The following SLC44A1 variants were observed in gnomAD, a reference collection of about 807,000 sequenced individuals.
SLC44A1 encodes the protein solute carrier family 44 member 1.
Under a neutral mutation model 79.3 loss-of-function variants are expected in SLC44A1, and 26 were observed. The ratio of observed to expected loss-of-function variants is 0.33; its 90% CI spans 0.24 to 0.46. The LOEUF (loss-of-function observed/expected upper bound fraction) is 0.46. SLC44A1 is among the 20% of genes least tolerant of loss of function. The pLI, the probability that SLC44A1 is intolerant of heterozygous loss-of-function variation, is 1.00. For synonymous variants in SLC44A1, 263 were observed against 286.2 expected (o/e 0.92, Z 0.82); for missense variants, 688 against 798.1 (o/e 0.86, Z 1.66).
Position 105,383,362 on chromosome 9 carries a change from A to ACCATC in SLC44A1, c.1869+3_1869+4insCCATC. On this transcript the variant is annotated splice_donor_region_variant and intron_variant, in intron 14 of 15. Transcript: ENST00000374720. Reference sequence around the variant, plus strand: ...TCTATATGGATAAAGTGCTGATGGTAAGTACTTCAAATGCCGTTTCCTATT... The same window carrying ACCATC: ...TCTATATGGATAAAGTGCTGATGGTACCATCAGTACTTCAAATGCCGTTTCCTATT... 2.0e-6 allele frequency: 3 copies of ACCATC among 1,483,404 alleles called. No individual in the cohort carries two copies. Among genetic ancestry groups the ACCATC allele is most frequent in the Non-Finnish European group, 2.8e-6 (3 of 1,060,980 alleles). The allele number at this position is 1,483,404 out of a possible 1,614,324, so 91.9% of individuals were successfully genotyped here. A position where few individuals can be genotyped will look rare whatever the true frequency, so the allele number is the denominator to read the frequency against.
intron 15 of SLC44A1, among the ~76,000 whole-genome samples, chr9:105,421,732 T>C (rs554841565): frequency 1.5e-4 from 23 of 151,760 alleles, no homozygotes; most frequent in Non-Finnish European, 1.9e-4. Context: ...GGACTACAGG[T>C]GCCTACCACG....
At chr9:105,270,737 T>C (rs563618081) in intron 1 of SLC44A1, among the ~76,000 whole-genome samples, 1 of 152,360 alleles carries the variant, frequency 6.6e-6, no homozygotes, top group South Asian at 2.1e-4. Context: ...CATTATCTAT[T>C]TTTTGTATTG....
intron 15 of SLC44A1, among the ~76,000 whole-genome samples, chr9:105,428,852 C>T (rs1031342123): frequency 4.6e-5 from 7 of 152,048 alleles, no homozygotes; most frequent in Non-Finnish European, 8.8e-5. Flanking sequence ...ACTACAGGCA[C>T]GCGCCACCAC....
intron 3 of SLC44A1, among the ~76,000 whole-genome samples, chr9:105,328,042 T>G (rs1826635306): frequency 6.6e-6 from 1 of 152,236 alleles, no homozygotes; most frequent in South Asian, 2.1e-4. Context: ...CTGAAATATC[T>G]TCTTCCTTAC....
intron 9 of SLC44A1, among the ~76,000 whole-genome samples, chr9:105,363,267 A>C (rs939334337): frequency 6.6e-6 from 1 of 151,800 alleles, no homozygotes; most frequent in Non-Finnish European, 1.5e-5. Flanking sequence ...GGTTCAAGTG[A>C]TTCTTCTGCC....
intron 11 of SLC44A1, among the ~76,000 whole-genome samples, chr9:105,365,874 C>T (rs1588837169): frequency 6.6e-6 from 1 of 152,202 alleles, no homozygotes; most frequent in Non-Finnish European, 1.5e-5. Context: ...TCTCTGTTGA[C>T]TCACATACCT....
intron 15 of SLC44A1, among the ~76,000 whole-genome samples, chr9:105,420,522 G>T (rs905430250): frequency 6.6e-6 from 1 of 151,992 alleles, no homozygotes; most frequent in African/African-American, 2.4e-5. Flanking sequence ...TTAAAAATGT[G>T]CCAGAAAGTT....
At chr9:105,292,056 A>G (rs776873026) in intron 1 of SLC44A1, among the ~76,000 whole-genome samples, 19 of 152,196 alleles carry the variant, frequency 1.2e-4, no homozygotes, top group Non-Finnish European at 2.6e-4. Flanking sequence ...ACTTGTTTGC[A>G]GGCTTAACCC....
chr9:105,394,033 G>C lies in SLC44A1; in HGVS notation c.*4977G>C, dbSNP rs1213119875. 1 of 985,070 alleles carries C rather than the reference G, an allele frequency of 1.0e-6. No homozygotes were observed. The highest frequency in any genetic ancestry group is 1.2e-6 in the Non-Finnish European group (1 of 829,738). The allele number at this position is 985,070 out of a possible 1,614,324, so 61.0% of individuals were successfully genotyped here. ...AGACAATGGGTCTCTTTGAGCTTAA[G>C]AAAGCTATGGACTATCTTTCCTTCA... On this transcript the variant is annotated 3_prime_UTR_variant, in exon 16 of 16. Coordinates refer to ENST00000374720, the MANE Select transcript of SLC44A1 (RefSeq NM_080546.5).
chr9:105,341,335 CAAAAAAAAAA>C (rs529318721), intron 4 of SLC44A1, among the ~76,000 whole-genome samples: 3 of 65,236 alleles, frequency 4.6e-5, no homozygotes, highest in Non-Finnish European at 7.0e-5. Flanking sequence ...AACTTCGTCT[CAAAAAAAAAA>C]AAAAAAGAAA....
At chr9:105,325,016 A>G (rs1000363039) in intron 3 of SLC44A1, among the ~76,000 whole-genome samples, 3 of 152,222 alleles carry the variant, frequency 2.0e-5, no homozygotes, top group Non-Finnish European at 2.9e-5. Context: ...ACCCAAGAGA[A>G]CTAAAAACAG....
chr9:105,332,992 C>G (rs749505104), intron 3 of SLC44A1, among the ~76,000 whole-genome samples: 1 of 152,130 alleles, frequency 6.6e-6, no homozygotes, highest in Non-Finnish European at 1.5e-5. Context: ...TTTCCAAGGT[C>G]AGAGAACTAT....
In SLC44A1 at chr9:105,390,153, T is replaced by C; in HGVS notation, c.*1097T>C. ...TGGCTAATGTTTTGATCCTCCAGTG[T>C]GACTGTTGTTTTTGTTTGGGGGTGG... On this transcript the variant is annotated 3_prime_UTR_variant, in exon 16 of 16. Transcript: ENST00000374720. The C allele has an allele frequency of 8.2e-7, 1 of 1,216,438 alleles. No homozygotes were observed. Among genetic ancestry groups the C allele is most frequent in the Non-Finnish European group, 1.0e-6 (1 of 974,194 alleles). 75.4% of individuals were successfully genotyped at this position (1,216,438 alleles called of 1,614,324 possible).
intron 15 of SLC44A1, among the ~76,000 whole-genome samples, chr9:105,388,213 T>A (rs987567373): frequency 6.6e-6 from 1 of 152,216 alleles, no homozygotes; most frequent in African/African-American, 2.4e-5. Flanking sequence ...CTTAGTACCT[T>A]CTTTATTTCT....
intron 2 of SLC44A1, among the ~76,000 whole-genome samples, chr9:105,301,959 A>G (rs1189935027): frequency 6.6e-6 from 1 of 152,078 alleles, no homozygotes; most frequent in Non-Finnish European, 1.5e-5. Context: ...TTTGATACCT[A>G]TGGTCTAGTT....
intron 2 of SLC44A1, among the ~76,000 whole-genome samples, chr9:105,306,125 C>T (rs1831024672): frequency 6.6e-6 from 1 of 152,144 alleles, no homozygotes. Context: ...GAAAGCACTT[C>T]CATAGCTCAG....
chr9:105,351,622 G>GAA (rs1385126812), intron 5 of SLC44A1, among the ~76,000 whole-genome samples: 8 of 64,532 alleles, frequency 1.2e-4, no homozygotes, highest in East Asian at 4.4e-4. Context: ...AAGAAAGAAA[G>GAA]AGAGAGAAAG....
chr9:105,276,345 A>G (rs1006321186), intron 1 of SLC44A1, among the ~76,000 whole-genome samples: 2 of 152,190 alleles, frequency 1.3e-5, no homozygotes, highest in Admixed American at 6.5e-5. Context: ...CACTGCTTTC[A>G]TCATGTCATG....
chr9:105,251,604 C>T (rs1291080883), intron 1 of SLC44A1, among the ~76,000 whole-genome samples: 1 of 152,218 alleles, frequency 6.6e-6, no homozygotes, highest in African/African-American at 2.4e-5. Flanking sequence ...TGTTCTCCAT[C>T]TCTCTATAGG....
Sources: gnomAD v4.1 joint callset for allele counts (sites outside exome capture counted in the v4.1 genomes callset) on GRCh38, gnomAD v4.1.1 for gene constraint, MANE v1.5 for transcripts, NCBI Gene and HGNC (gene_info 2026-07-23, HGNC 2026-07-21) for gene names.